ANO3: variants seen among roughly 807,000 people sequenced by gnomAD.
The protein encoded by ANO3 is anoctamin-3.
ANO3 carries 99 observed loss-of-function variants against 144.8 expected under a neutral mutation model. The ratio of observed to expected loss-of-function variants is 0.68; its 90% CI spans 0.58 to 0.81. The LOEUF (loss-of-function observed/expected upper bound fraction) is 0.81. Among genes scored for constraint, ANO3 ranks in the 30% least tolerant of loss-of-function variants. The probability of loss-of-function intolerance (pLI) is 0.00; values close to 1 mark genes in which losing one functional copy is unlikely to be tolerated. For missense variants in ANO3, 905 were observed against 1,202.2 expected, an observed-to-expected ratio of 0.75 and a Z score of 3.66; for synonymous variants, 414 against 392.6, an observed-to-expected ratio of 1.05 and a Z score of -0.64.
intron 1 of ANO3, among the ~76,000 whole-genome samples, chr11:26,315,670 T>TATCTATC (rs1306476974): frequency 6.9e-6 from 1 of 143,898 alleles, no homozygotes; most frequent in African/African-American, 2.6e-5. Context: ...TCTATCTATC[T>TATCTATC]ATCTATCTAT....
At chr11:26,404,622 T>G (rs1857229925) in intron 1 of ANO3, among the ~76,000 whole-genome samples, 1 of 151,794 alleles carries the variant, frequency 6.6e-6, no homozygotes, top group South Asian at 2.1e-4. Flanking sequence ...CTATTATTAT[T>G]CAGCTATATT....
intron 23 of ANO3, among the ~76,000 whole-genome samples, chr11:26,644,971 A>G (rs1853297185): frequency 1.3e-5 from 2 of 152,312 alleles, no homozygotes; most frequent in South Asian, 4.1e-4. Flanking sequence ...AATTTTATAT[A>G]TAATCCAATT....
chr11:26,273,008 G>C (rs1393408687), intron 1 of ANO3, among the ~76,000 whole-genome samples: 1 of 151,950 alleles, frequency 6.6e-6, no homozygotes, highest in South Asian at 2.1e-4. Context: ...TTTAAGTATT[G>C]CATAATATTA....
At chr11:26,392,476 G>T (rs1406940362) in intron 1 of ANO3, among the ~76,000 whole-genome samples, 1 of 151,804 alleles carries the variant, frequency 6.6e-6, no homozygotes, top group African/African-American at 2.4e-5. Context: ...TTTTAGATCT[G>T]AGGGAACCAC....
chr11:26,565,527 G>T (rs267602835), intron 14 of ANO3: 1 of 1,613,366 alleles, frequency 6.2e-7, no homozygotes, highest in Non-Finnish European at 8.5e-7. Flanking sequence ...ATGGATCAAG[G>T]GAGGGCTTGT....
chr11:26,586,035 C>T (rs1454612652), intron 14 of ANO3, among the ~76,000 whole-genome samples: 2 of 152,162 alleles, frequency 1.3e-5, no homozygotes, highest in Non-Finnish European at 2.9e-5. Context: ...TATTGAGGTT[C>T]TACCACCTCA....
At chr11:26,463,953 A>G (rs1240061420) in intron 4 of ANO3, among the ~76,000 whole-genome samples, 1 of 151,624 alleles carries the variant, frequency 6.6e-6, no homozygotes, top group Non-Finnish European at 1.5e-5. Flanking sequence ...TGTAAAAAAG[A>G]TAGTTGGATA....
At chr11:26,436,519 C>A (rs1459398551) in intron 1 of ANO3, among the ~76,000 whole-genome samples, 2 of 152,164 alleles carry the variant, frequency 1.3e-5, no homozygotes, top group Admixed American at 1.3e-4. Flanking sequence ...AAGATGGTGG[C>A]CTGCCCCTCC....
chr11:26,454,788 C>G (rs539573024), intron 3 of ANO3, among the ~76,000 whole-genome samples: 21 of 152,152 alleles, frequency 1.4e-4, no homozygotes, highest in Admixed American at 8.5e-4. Flanking sequence ...AATTTTAGAC[C>G]AATATCCTTG....
intron 1 of ANO3, among the ~76,000 whole-genome samples, chr11:26,348,869 A>T (rs1428687318): frequency 6.6e-6 from 1 of 152,236 alleles, no homozygotes; most frequent in Non-Finnish European, 1.5e-5. Flanking sequence ...GACGGGGTGT[A>T]CACCAGGTAA....
At chr11:26,500,790 A>T (rs1465590348) in intron 4 of ANO3, among the ~76,000 whole-genome samples, 1 of 151,770 alleles carries the variant, frequency 6.6e-6, no homozygotes, top group Non-Finnish European at 1.5e-5. Context: ...AGAAAAAAAA[A>T]ACCACCAAAA....
chr11:26,370,976 C>T (rs1015781669), intron 1 of ANO3, among the ~76,000 whole-genome samples: 2 of 152,198 alleles, frequency 1.3e-5, no homozygotes, highest in African/African-American at 4.8e-5. Context: ...TTCAAGCCTG[C>T]TTCAGCAATT....
chr11:26,224,326 G>C (rs1158853796), intron 1 of ANO3, among the ~76,000 whole-genome samples: 1 of 152,238 alleles, frequency 6.6e-6, no homozygotes, highest in Non-Finnish European at 1.5e-5. Context: ...GTCTTCCAGT[G>C]TGTCTGTCTG....
chr11:26,247,079 A>G (rs138516062), intron 1 of ANO3, among the ~76,000 whole-genome samples: 1 of 152,340 alleles, frequency 6.6e-6, no homozygotes, highest in Non-Finnish European at 1.5e-5. Context: ...GTTTATTTAA[A>G]ACAGTTTTAA....
intron 13 of ANO3, among the ~76,000 whole-genome samples, chr11:26,557,228 G>A (rs1182795578): frequency 3.3e-5 from 5 of 152,058 alleles, no homozygotes; most frequent in South Asian, 4.1e-4. Flanking sequence ...TTGGGAGGCC[G>A]AGGCGGGCGG....
At chr11:26,265,664 T>C (rs886470774) in intron 1 of ANO3, among the ~76,000 whole-genome samples, 2 of 152,208 alleles carry the variant, frequency 1.3e-5, no homozygotes, top group African/African-American at 4.8e-5. Context: ...AATTCTACAG[T>C]AAGCATTATA....
chr11:26,227,430 T>C (rs1402409645), intron 1 of ANO3, among the ~76,000 whole-genome samples: 1 of 152,178 alleles, frequency 6.6e-6, no homozygotes, highest in Non-Finnish European at 1.5e-5. Context: ...TACCACCATC[T>C]CTTGGTCATG....
chr11:26,526,004 C>G (rs1849153958), intron 7 of ANO3, among the ~76,000 whole-genome samples: 1 of 151,812 alleles, frequency 6.6e-6, no homozygotes, highest in Non-Finnish European at 1.5e-5. Flanking sequence ...AAATGATGAC[C>G]CACAGTAACA....
At chr11:26,519,906 TG>T (rs1279178820) in intron 6 of ANO3, among the ~76,000 whole-genome samples, 1 of 54,890 alleles carries the variant, frequency 1.8e-5, no homozygotes, top group East Asian at 7.0e-4. Context: ...ATAGAGACAA[TG>T]GGAACACAAT....
Sources: allele counts gnomAD v4.1 joint callset (sites outside exome capture counted in the v4.1 genomes callset), GRCh38; gene constraint gnomAD v4.1.1; transcripts MANE v1.5; gene names NCBI Gene and HGNC (gene_info 2026-07-23, HGNC 2026-07-21).